Variants in NPSR1 observed in about 807,000 individuals in gnomAD.
The protein encoded by NPSR1 is neuropeptide S receptor 1.
A neutral mutation model predicts 46.9 loss-of-function variants in NPSR1; 48 were observed. That is an observed-to-expected ratio of 1.02 (90% CI 0.81 to 1.30). The LOEUF (loss-of-function observed/expected upper bound fraction) is 1.30. Ranked by LOEUF, NPSR1 falls within the 50% of genes most tolerant of loss-of-function variation. NPSR1 has a pLI of 0.00. For missense variants in NPSR1, 450 were observed against 449.5 expected (o/e 1.00, Z -0.01); for synonymous variants, 176 against 168.1 (o/e 1.05, Z -0.36).
At chr7:34,788,134 A>G (rs1787548224) in intron 3 of NPSR1, among the ~76,000 whole-genome samples, 1 of 152,044 alleles carries the variant, frequency 6.6e-6, no homozygotes, top group Non-Finnish European at 1.5e-5. Flanking sequence ...AAAAACTAAA[A>G]TGGGGGTGGT....
Position 34,844,886 on chromosome 7 carries a change from G to T in NPSR1, c.758-10G>T, listed in dbSNP as rs1240735222. On this transcript the variant is annotated splice_polypyrimidine_tract_variant and intron_variant, in intron 6 of 8. Transcript: ENST00000360581. The stretch of plus-strand genomic sequence containing the variant: ...CACTTCATCTTACTATTCCCCTCTT[G>T]TATCTACAGATGGGAAACTGTGCAG... The T allele has an allele frequency of 9.1e-6, 14 of 1,542,662 alleles. No individual in the cohort carries two copies. Among genetic ancestry groups the T allele is most frequent in the Non-Finnish European group, 1.3e-5 (14 of 1,115,046 alleles).
chr7:34,699,765 C>T (rs1320186691), intron 2 of NPSR1, among the ~76,000 whole-genome samples: 2 of 152,142 alleles, frequency 1.3e-5, no homozygotes, highest in African/African-American at 4.8e-5. Context: ...TGTTCAAATA[C>T]AGTCACATTG....
intron 3 of NPSR1, among the ~76,000 whole-genome samples, chr7:34,790,896 G>A (rs1787758339): frequency 8.3e-6 from 1 of 120,620 alleles, no homozygotes; most frequent in South Asian, 2.3e-4. Flanking sequence ...TATCATATAT[G>A]TTATATGTTA....
rs1321127454 is a variant in NPSR1, at chr7:34,829,832, A to G, written c.680+2230A>G. Among the ~76,000 whole-genome samples, 3 of 152,360 alleles carry G rather than the reference A, an allele frequency of 2.0e-5. No homozygotes were observed. In the South Asian group the frequency reaches 6.2e-4, roughly 32 times the overall value. On this transcript the variant is annotated intron_variant, in intron 5 of 8. Coordinates refer to ENST00000360581, the MANE Select transcript of NPSR1 (RefSeq NM_207172.2). ...ATGATTTCAAAAACTGGTTTCCCTC[A>G]GCTCTCACCAAGCTAAAGCCTCTGG...
chr7:34,870,948 A>G (rs60904075), intron 8 of NPSR1, among the ~76,000 whole-genome samples: 9,563 of 151,716 alleles, frequency 0.063, 959 homozygotes, highest in African/African-American at 0.19. Context: ...GGATGGATGG[A>G]TGAAAGGAAG....
chr7:34,839,704 ACAGT>A (rs1775599823), intron 6 of NPSR1, among the ~76,000 whole-genome samples: 1 of 152,186 alleles, frequency 6.6e-6, no homozygotes, highest in Non-Finnish European at 1.5e-5. Context: ...ATTGTTCCAC[ACAGT>A]CATTCAGAAA....
intron 8 of NPSR1, among the ~76,000 whole-genome samples, chr7:34,866,056 A>T (rs1293198402): frequency 1.3e-5 from 2 of 151,794 alleles, no homozygotes; most frequent in Non-Finnish European, 2.9e-5. Context: ...TAATGCTGGG[A>T]TGAATCCACT....
intron 2 of NPSR1, among the ~76,000 whole-genome samples, chr7:34,759,978 T>C (rs1197058032): frequency 2.6e-5 from 4 of 152,238 alleles, no homozygotes; most frequent in East Asian, 1.9e-4. Context: ...CTCTCAAGGA[T>C]TGGCTTAGTT....
chr7:34,726,852 G>C (rs1247211589), intron 2 of NPSR1, among the ~76,000 whole-genome samples: 2 of 151,568 alleles, frequency 1.3e-5, no homozygotes, highest in Non-Finnish European at 1.5e-5. Context: ...AGCTTTCAGG[G>C]ATTAGGGAGG....
At chr7:34,799,166 G>A (rs1304379208) in intron 3 of NPSR1, among the ~76,000 whole-genome samples, 1 of 151,994 alleles carries the variant, frequency 6.6e-6, no homozygotes, top group East Asian at 1.9e-4. Context: ...AAGTATGTGA[G>A]GTAATGAATA....
intron 2 of NPSR1, among the ~76,000 whole-genome samples, chr7:34,697,919 T>G (rs1014682706): frequency 6.6e-6 from 1 of 152,108 alleles, no homozygotes; most frequent in African/African-American, 2.4e-5. Context: ...CCCATTAAAA[T>G]AACAAGATTG....
At chr7:34,805,058 T>G (rs1189065624) in intron 3 of NPSR1, among the ~76,000 whole-genome samples, 1 of 151,982 alleles carries the variant, frequency 6.6e-6, no homozygotes, top group Non-Finnish European at 1.5e-5. Context: ...TGAAGAGATG[T>G]TCCATGTTCA....
chr7:34,681,757 G>A (rs1345258854), intron 1 of NPSR1, among the ~76,000 whole-genome samples: 1 of 152,120 alleles, frequency 6.6e-6, no homozygotes, highest in Admixed American at 6.5e-5. Flanking sequence ...AAGGTCTCCA[G>A]GGACCCCATA....
chr7:34,846,181 T>C (rs1423941559), intron 7 of NPSR1, among the ~76,000 whole-genome samples: 1 of 152,156 alleles, frequency 6.6e-6, no homozygotes, highest in Non-Finnish European at 1.5e-5. Context: ...GAAGCACAGA[T>C]GCACCTTCCC....
chr7:34,708,208 C>T (rs532081282), intron 2 of NPSR1, among the ~76,000 whole-genome samples: 2 of 152,332 alleles, frequency 1.3e-5, no homozygotes, highest in Non-Finnish European at 2.9e-5. Context: ...CATGGGAACT[C>T]TCTTCCACAT....
At chr7:34,729,606 T>C (rs541693040) in intron 2 of NPSR1, among the ~76,000 whole-genome samples, 2 of 152,168 alleles carry the variant, frequency 1.3e-5, no homozygotes, top group Non-Finnish European at 1.5e-5. Flanking sequence ...TGAAAAATCA[T>C]TGGGCCTAAT....
intron 3 of NPSR1, among the ~76,000 whole-genome samples, chr7:34,790,216 C>CATA (rs1411658763): frequency 5.3e-5 from 8 of 152,054 alleles, no homozygotes; most frequent in Non-Finnish European, 7.4e-5. Flanking sequence ...AATAGTTTAA[C>CATA]ATACACAAAT....
downstream of NPSR1, among the ~76,000 whole-genome samples, chr7:34,851,252 C>T (rs1790926214): frequency 6.7e-6 from 1 of 150,260 alleles, no homozygotes. Context: ...TAATAGCACT[C>T]CATTCCTCAT....
At chr7:34,658,614 A>C in intron 1 of NPSR1, 55 bp downstream of exon 1, 4 of 1,522,976 alleles carry the variant, frequency 2.6e-6, no homozygotes, top group Non-Finnish European at 2.7e-6. Flanking sequence ...AGACTGCTGG[A>C]ACTTAAGAGT....
Sources: allele counts gnomAD v4.1 joint callset (sites outside exome capture counted in the v4.1 genomes callset), GRCh38; gene constraint gnomAD v4.1.1; transcripts MANE v1.5; gene names NCBI Gene and HGNC (gene_info 2026-07-23, HGNC 2026-07-21).